SHISA9: variants seen among roughly 807,000 people sequenced by gnomAD.
SHISA9 encodes shisa family member 9.
A neutral mutation model predicts 38.0 loss-of-function variants in SHISA9; 13 were observed. The observed-to-expected ratio is 0.34, with a 90% CI of 0.22 to 0.54. The LOEUF is 0.54. Ranked by LOEUF, SHISA9 falls within the 20% of genes least tolerant of loss-of-function variation. The probability of loss-of-function intolerance (pLI) is 0.91; values close to 1 mark genes in which losing one functional copy is unlikely to be tolerated. For synonymous variants in SHISA9, 275 were observed against 242.0 expected, an observed-to-expected ratio of 1.14 and a Z score of -1.27; for missense variants, 538 against 575.8, an observed-to-expected ratio of 0.93 and a Z score of 0.67.
At chr16:13,125,591 C>T (rs1010340217) in intron 2 of SHISA9, among the ~76,000 whole-genome samples, 1 of 152,190 alleles carries the variant, frequency 6.6e-6, no homozygotes, top group Non-Finnish European at 1.5e-5. Context: ...TATTAGTCTA[C>T]AATTTGATCA....
At chr16:13,394,105 A>C in the SHISA9 span, among the ~76,000 whole-genome samples, 66 of 152,330 alleles carry the variant, frequency 4.3e-4, no homozygotes, top group Middle Eastern at 3.4e-3. Context: ...TGAGGCTGTA[A>C]GAAGCATTAC....
intron 2 of SHISA9, among the ~76,000 whole-genome samples, chr16:13,061,038 A>G (rs150278627): frequency 1.3e-5 from 2 of 152,136 alleles, no homozygotes; most frequent in African/African-American, 4.8e-5. Flanking sequence ...TTGTGGTCCC[A>G]ATGCTCCTGT....
intron 2 of SHISA9, among the ~76,000 whole-genome samples, chr16:13,058,608 G>A (rs1293465776): frequency 6.6e-6 from 1 of 152,186 alleles, no homozygotes; most frequent in African/African-American, 2.4e-5. Context: ...AGCCACAAAA[G>A]TTCTCTTCTA....
the SHISA9 span, among the ~76,000 whole-genome samples, chr16:13,440,391 G>T: frequency 3.3e-5 from 5 of 152,208 alleles, no homozygotes; most frequent in Admixed American, 3.3e-4. Context: ...TTGGTTTGCT[G>T]CTGTGTTGGG....
the SHISA9 span, among the ~76,000 whole-genome samples, chr16:13,547,049 T>C: frequency 2.0e-5 from 3 of 152,234 alleles, no homozygotes; most frequent in African/African-American, 7.2e-5. Context: ...ATATCTTACC[T>C]TGAATACTTC....
At chr16:12,938,918 T>A (rs1001506818) in intron 2 of SHISA9, among the ~76,000 whole-genome samples, 1 of 152,186 alleles carries the variant, frequency 6.6e-6, no homozygotes, top group Non-Finnish European at 1.5e-5. Flanking sequence ...AGCAAATACT[T>A]CTAAGTTCTC....
chr16:13,463,258 G>A, the SHISA9 span, among the ~76,000 whole-genome samples: 1 of 152,240 alleles, frequency 6.6e-6, no homozygotes, highest in African/African-American at 2.4e-5. Context: ...CCGTGAGGAA[G>A]CTATTGCAAT....
chr16:12,940,322 A>G (rs1320372244), intron 2 of SHISA9, among the ~76,000 whole-genome samples: 1 of 151,940 alleles, frequency 6.6e-6, no homozygotes, highest in Non-Finnish European at 1.5e-5. Context: ...CCTTTGCTGC[A>G]CCCCAGCTTG....
In SHISA9 at chr16:13,158,591, A is replaced by G. The variant is rs116254896; in HGVS notation, c.692-44803A>G. Reference sequence around the variant, plus strand: ...TGGGCTACCAGCTCCCAATTCAAAGACACATCTGATTGGCCAAGCCTAGGT... The same window carrying G: ...TGGGCTACCAGCTCCCAATTCAAAGGCACATCTGATTGGCCAAGCCTAGGT... On this transcript the variant is annotated intron_variant, in intron 2 of 4. Transcript: ENST00000558583. Among the ~76,000 whole-genome samples, 396 of 152,220 alleles carry G rather than the reference A, an allele frequency of 2.6e-3. 2 individuals carry two copies. The highest frequency in any genetic ancestry group is 9.0e-3 in the African/African-American group (375 of 41,536).
intron 2 of SHISA9, among the ~76,000 whole-genome samples, chr16:13,009,770 C>T (rs1291280060): frequency 2.6e-5 from 4 of 152,186 alleles, no homozygotes; most frequent in Non-Finnish European, 4.4e-5. Flanking sequence ...GGCCCAGATG[C>T]GGGATGATCA....
At chr16:13,391,793 T>C in the SHISA9 span, among the ~76,000 whole-genome samples, 1 of 152,190 alleles carries the variant, frequency 6.6e-6, no homozygotes, top group Non-Finnish European at 1.5e-5. Context: ...CTCTGTAACC[T>C]GACTGCAGGT....
intron 4 of SHISA9, among the ~76,000 whole-genome samples, chr16:13,220,790 T>A (rs1018479801): frequency 6.6e-6 from 1 of 152,132 alleles, no homozygotes; most frequent in African/African-American, 2.4e-5. Flanking sequence ...GGCTGGAGAA[T>A]GAGCCTGTCC....
In SHISA9 at chr16:12,902,192, G is replaced by T. The variant is rs1232850897; in HGVS notation, c.128G>T (p.Gly43Val). ...AQLGGVLLLA[G>V]GNRSGAASGE... ...CTGGGCGGCGTGTTGCTGCTGGCGG[G>T]GGGCAACCGCTCCGGGGCCGCCTCC... Residue 43 changes from glycine to valine, a missense_variant, in exon 1 of 5, where the codon GGG (glycine) becomes GTG (valine). Gly to Val is a moderately radical substitution (Grantham distance 109). Transcript: ENST00000558583. 2 of 1,530,226 alleles carry T rather than the reference G, an allele frequency of 1.3e-6. No homozygotes were observed. The highest frequency in any genetic ancestry group is 1.7e-6 in the Non-Finnish European group (2 of 1,143,676). The allele number at this position is 1,530,226 out of a possible 1,614,324, so 94.8% of individuals were successfully genotyped here. A position where few individuals can be genotyped will look rare whatever the true frequency, so the allele number is the denominator to read the frequency against.
chr16:13,299,175 A>C, the SHISA9 span, among the ~76,000 whole-genome samples: 4 of 152,130 alleles, frequency 2.6e-5, no homozygotes, highest in South Asian at 8.3e-4. Flanking sequence ...TCACTCCTTA[A>C]TGCCCTGAAT....
At chr16:13,413,890 A>C in the SHISA9 span, among the ~76,000 whole-genome samples, 1 of 152,122 alleles carries the variant, frequency 6.6e-6, no homozygotes, top group Middle Eastern at 3.2e-3. Context: ...AAGGAAAAGA[A>C]GTAATGAGAC....
intron 2 of SHISA9, among the ~76,000 whole-genome samples, chr16:13,095,770 A>C (rs1392081567): frequency 6.6e-6 from 1 of 152,252 alleles, no homozygotes; most frequent in East Asian, 1.9e-4. Flanking sequence ...TGAATACTCG[A>C]TAAATAGTGA....
At chr16:13,428,764 TG>T in the SHISA9 span, among the ~76,000 whole-genome samples, 1 of 85,220 alleles carries the variant, frequency 1.2e-5, no homozygotes, top group East Asian at 4.2e-4. Context: ...TTTATTTTAT[TG>T]TTTTATTGTT....
chr16:13,138,456 C>A (rs28538995), intron 2 of SHISA9, among the ~76,000 whole-genome samples: 1 of 151,936 alleles, frequency 6.6e-6, no homozygotes, highest in Non-Finnish European at 1.5e-5. Context: ...ATAACAGGGG[C>A]GGCATCTTCA....
chr16:13,274,202 G>A, the SHISA9 span, among the ~76,000 whole-genome samples: 2 of 152,112 alleles, frequency 1.3e-5, no homozygotes, highest in African/African-American at 4.8e-5. Context: ...AGATAAAAGG[G>A]GAAGATGGAT....
Sources: gnomAD v4.1 joint callset for allele counts (sites outside exome capture counted in the v4.1 genomes callset) on GRCh38, gnomAD v4.1.1 for gene constraint, MANE v1.5 for transcripts, NCBI Gene and HGNC (gene_info 2026-07-23, HGNC 2026-07-21) for gene names.